The following DLG2 variants were observed in gnomAD, a reference collection of about 807,000 sequenced individuals.
DLG2 encodes discs large MAGUK scaffold protein 2, also known as disks large homolog 2.
DLG2 carries 45 observed loss-of-function variants against 132.5 expected under a neutral mutation model. The ratio of observed to expected loss-of-function variants is 0.34; its 90% CI spans 0.27 to 0.44. DLG2 has a LOEUF of 0.44. DLG2 is among the 20% of genes least tolerant of loss of function. The probability of loss-of-function intolerance (pLI) is 1.00; values close to 1 mark genes in which losing one functional copy is unlikely to be tolerated. For synonymous variants in DLG2, 424 were observed against 419.6 expected (o/e 1.01, Z -0.13); for missense variants, 1,045 against 1,196.9 (o/e 0.87, Z 1.87).
intron 6 of DLG2, among the ~76,000 whole-genome samples, chr11:84,988,454 G>C (rs1291732168): frequency 6.6e-6 from 1 of 152,114 alleles, no homozygotes. Flanking sequence ...CAAAAATGTG[G>C]AACCAATGTA....
intron 2 of DLG2, among the ~76,000 whole-genome samples, chr11:85,619,037 T>C (rs185920217): frequency 9.8e-5 from 15 of 152,386 alleles, no homozygotes; most frequent in African/African-American, 2.9e-4. Flanking sequence ...AGTTGCTTCA[T>C]AGCAAACTCC....
At chr11:84,139,102 G>A (rs574728247) in intron 9 of DLG2, among the ~76,000 whole-genome samples, 10 of 152,268 alleles carry the variant, frequency 6.6e-5, no homozygotes, top group African/African-American at 2.2e-4. Flanking sequence ...GAAGAGTCAA[G>A]TCTAGTTGAC....
At position 84,385,771 on chromosome 11, in the gene DLG2, A is replaced by G. The variant is rs117717427; in HGVS notation, c.520-134480T>C. Reference sequence around the variant, plus strand: ...ACCTTGAGTCCAATGGGAGCCTACAATTAAGACTTGCAAATAGTAATTGCT... The same window carrying G: ...ACCTTGAGTCCAATGGGAGCCTACAGTTAAGACTTGCAAATAGTAATTGCT... On this transcript the variant is annotated intron_variant, in intron 7 of 27. Coordinates refer to ENST00000376104, the MANE Select transcript of DLG2 (RefSeq NM_001142699.3). Among the ~76,000 whole-genome samples, 843 of 152,240 alleles carry G rather than the reference A, an allele frequency of 5.5e-3. 12 individuals carry two copies. Among genetic ancestry groups the G allele is most frequent in the Non-Finnish European group, 9.2e-3 (622 of 67,970 alleles).
At chr11:85,170,850 G>A (rs1215836951) in intron 4 of DLG2, among the ~76,000 whole-genome samples, 2 of 152,006 alleles carry the variant, frequency 1.3e-5, no homozygotes, top group Non-Finnish European at 2.9e-5. Context: ...GTGTGCTGAA[G>A]AGGGCTTTCT....
intron 15 of DLG2, 121 bp downstream of exon 15, chr11:83,930,207 T>C (rs2079883039): frequency 2.6e-6 from 3 of 1,144,594 alleles, no homozygotes; most frequent in Non-Finnish European, 3.8e-6. Flanking sequence ...CAGCAGAACA[T>C]CTCTCCACTT....
intron 6 of DLG2, among the ~76,000 whole-genome samples, chr11:84,671,107 T>C (rs899556666): frequency 1.3e-5 from 2 of 151,832 alleles, no homozygotes; most frequent in African/African-American, 4.8e-5. Flanking sequence ...TTTTTTTTTT[T>C]TTTTTGAGAC....
chr11:85,403,605 C>T (rs2088414577), intron 3 of DLG2, among the ~76,000 whole-genome samples: 1 of 151,984 alleles, frequency 6.6e-6, no homozygotes, highest in Non-Finnish European at 1.5e-5. Context: ...AGTCCAGTTG[C>T]ATATGCCTAG....
At position 85,567,619 on chromosome 11, in the gene DLG2, A is replaced by G. The variant is rs116335374; in HGVS notation, c.40+31038T>C. 2.2e-3 allele frequency among the ~76,000 whole-genome samples: 328 copies of G among 152,204 alleles called. 1 individual carries two copies. Among genetic ancestry groups the G allele is most frequent in the African/African-American group, 7.6e-3 (315 of 41,542 alleles). The stretch of plus-strand genomic sequence containing the variant: ...TCCTTCCTTTCCAATTTTTTTGGAA[A>G]GAATTTTCCTAATTTTCCTAGCTGG... On this transcript the variant is annotated intron_variant, in intron 3 of 27. Transcript: ENST00000376104.
intron 4 of DLG2, among the ~76,000 whole-genome samples, chr11:85,259,744 C>T (rs1165312878): frequency 6.6e-6 from 1 of 151,962 alleles, no homozygotes; most frequent in Non-Finnish European, 1.5e-5. Flanking sequence ...ATCCAAATCC[C>T]CTGGCCAGAA....
chr11:85,202,658 C>A (rs2081555699), intron 4 of DLG2, among the ~76,000 whole-genome samples: 1 of 152,068 alleles, frequency 6.6e-6, no homozygotes, highest in Admixed American at 6.6e-5. Flanking sequence ...CGAAACAAGT[C>A]TCAACAAATT....
chr11:84,423,109 C>T (rs561732168), intron 7 of DLG2, among the ~76,000 whole-genome samples: 28 of 152,110 alleles, frequency 1.8e-4, no homozygotes, highest in Admixed American at 1.3e-3. Context: ...AACATTTTTT[C>T]ATTAATGTTA....
intron 11 of DLG2, among the ~76,000 whole-genome samples, chr11:83,985,553 T>C (rs1455879483): frequency 6.6e-6 from 1 of 152,188 alleles, no homozygotes; most frequent in African/African-American, 2.4e-5. Context: ...TTTTCCTCCA[T>C]GTGTCCATGT....
chr11:85,263,399 G>A (rs774947223), intron 4 of DLG2, among the ~76,000 whole-genome samples: 5 of 152,304 alleles, frequency 3.3e-5, no homozygotes, highest in African/African-American at 4.8e-5. Flanking sequence ...TGCCCAAAAC[G>A]CATGTGGGTT....
intron 18 of DLG2, among the ~76,000 whole-genome samples, chr11:83,635,573 A>T (rs551430939): frequency 1.2e-3 from 178 of 152,196 alleles, no homozygotes; most frequent in Non-Finnish European, 1.8e-3. Flanking sequence ...TGTGTGCCGG[A>T]TATGTATGTG....
chr11:84,370,711 G>A (rs1354178295), intron 7 of DLG2, among the ~76,000 whole-genome samples: 5 of 152,154 alleles, frequency 3.3e-5, no homozygotes, highest in African/African-American at 1.2e-4. Context: ...AGCAGTGTCT[G>A]ACTCTTTACC....
At chr11:84,518,380 A>G (rs1316289591) in intron 7 of DLG2, among the ~76,000 whole-genome samples, 2 of 152,130 alleles carry the variant, frequency 1.3e-5, no homozygotes, top group African/African-American at 4.8e-5. Context: ...AATTTAGCTA[A>G]TGAGTGTTCA....
At chr11:84,982,206 C>T (rs2055853525) in intron 6 of DLG2, among the ~76,000 whole-genome samples, 1 of 132,220 alleles carries the variant, frequency 7.6e-6, no homozygotes, top group South Asian at 2.4e-4. Context: ...ATTCTAATAG[C>T]TACCTCAAAT....
intron 3 of DLG2, 141 bp downstream of exon 3, chr11:85,598,515 CA>C (rs1343333305): frequency 8.5e-6 from 4 of 470,352 alleles, no homozygotes; most frequent in Non-Finnish European, 1.4e-5. Context: ...CAAAATAAAA[CA>C]AAACAAATCT....
At chr11:84,366,595 C>T (rs1434780319) in intron 7 of DLG2, among the ~76,000 whole-genome samples, 1 of 151,554 alleles carries the variant, frequency 6.6e-6, no homozygotes, top group Non-Finnish European at 1.5e-5. Flanking sequence ...CACATAGGCT[C>T]AAAATAAAAG....
Sources: allele counts gnomAD v4.1 joint callset (sites outside exome capture counted in the v4.1 genomes callset), GRCh38; gene constraint gnomAD v4.1.1; transcripts MANE v1.5; gene names NCBI Gene and HGNC (gene_info 2026-07-23, HGNC 2026-07-21).